Variants in CADPS2 observed in about 807,000 individuals in gnomAD.
CADPS2 encodes calcium dependent secretion activator 2, also known as calcium-dependent secretion activator 2.
In CADPS2, 93 loss-of-function variants were observed where a neutral mutation model predicts 172.5. The observed-to-expected ratio is 0.54, with a 90% CI of 0.46 to 0.64. CADPS2 has a LOEUF of 0.64. Among genes scored for constraint, CADPS2 ranks in the 30% least tolerant of loss-of-function variants. CADPS2 has a pLI of 0.00. For synonymous variants in CADPS2, 546 were observed against 555.2 expected (o/e 0.98, Z 0.23); for missense variants, 1,420 against 1,565.9 (o/e 0.91, Z 1.57).
intron 27 of CADPS2, chr7:122,354,393 GC>G (rs2039089131): frequency 6.6e-6 from 1 of 152,100 alleles, no homozygotes; most frequent in Non-Finnish European, 1.5e-5. Flanking sequence ...GGATTCAACC[GC>G]CAGCAGTTCG....
intron 1 of CADPS2, among the ~76,000 whole-genome samples, chr7:122,821,027 T>C (rs866933172): frequency 2.6e-4 from 40 of 151,446 alleles, no homozygotes; most frequent in African/African-American, 9.3e-4. Context: ...ACTTTCTGCT[T>C]CCTGGCTCCT....
At chr7:122,811,349 C>T (rs1799984816) in intron 1 of CADPS2, among the ~76,000 whole-genome samples, 1 of 152,072 alleles carries the variant, frequency 6.6e-6, no homozygotes, top group African/African-American at 2.4e-5. Context: ...GTCCCTATTT[C>T]CTAATCAGCA....
At chr7:122,865,038 T>C (rs536390475) in intron 1 of CADPS2, among the ~76,000 whole-genome samples, 1 of 152,210 alleles carries the variant, frequency 6.6e-6, no homozygotes, top group Admixed American at 6.5e-5. Context: ...GTTTGGGTGA[T>C]GGGGGTGGAC....
At chr7:122,479,216 A>G (rs2057027111) in intron 12 of CADPS2, among the ~76,000 whole-genome samples, 1 of 152,070 alleles carries the variant, frequency 6.6e-6, no homozygotes, top group Non-Finnish European at 1.5e-5. Flanking sequence ...GAAGCAAATG[A>G]CTCTTTTGAA....
At chr7:122,850,068 C>T (rs747151881) in intron 1 of CADPS2, 76 of 1,368,880 alleles carry the variant, frequency 5.6e-5, no homozygotes, top group Non-Finnish European at 7.1e-5. Context: ...GGGGGCCTTG[C>T]TTGGCAACAG....
At chr7:122,568,833 T>C (rs574915151) in intron 7 of CADPS2, among the ~76,000 whole-genome samples, 10 of 152,230 alleles carry the variant, frequency 6.6e-5, no homozygotes, top group African/African-American at 2.2e-4. Context: ...AAATCATAAA[T>C]TGGACTTAAT....
chr7:122,513,286 C>G lies in CADPS2; in HGVS notation c.1505G>C (p.Trp502Ser). ...AAAGTAACGTTTTTTCCATCTTTTC[C>G]AAACCTTCTGTCCAAGGGCATACAG... ...GYLYALGQKV[W>S]KRWKKRYFVL... The change falls in exon 9 of 30, where the codon TGG (tryptophan) becomes TCG (serine). Residue 502 changes from tryptophan (W) to serine (S), a missense_variant. By Grantham distance (177) the Trp-to-Ser change is radical (BLOSUM62 -3). Coordinates refer to ENST00000449022, the MANE Select transcript of CADPS2 (RefSeq NM_017954.11). 6.4e-7 allele frequency: 1 copy of G among 1,562,348 alleles called. No individual in the cohort carries two copies. Among genetic ancestry groups the G allele is most frequent in the Non-Finnish European group, 8.7e-7 (1 of 1,151,996 alleles).
intron 9 of CADPS2, 120 bp from the exon 10 acceptor site, chr7:122,491,540 T>C: frequency 1.8e-6 from 1 of 560,186 alleles, no homozygotes; most frequent in Non-Finnish European, 3.1e-6. Flanking sequence ...GCACATAAAT[T>C]ATTAAATTTT....
At chr7:122,420,324 C>A (rs73431532) in intron 17 of CADPS2, among the ~76,000 whole-genome samples, 3,841 of 152,268 alleles carry the variant, frequency 0.025, 103 homozygotes, top group African/African-American at 0.054. Flanking sequence ...ATCTTAAGTA[C>A]AAACTCTGAG....
intron 1 of CADPS2, among the ~76,000 whole-genome samples, chr7:122,786,733 C>A (rs1468236260): frequency 6.6e-6 from 1 of 152,062 alleles, no homozygotes; most frequent in Non-Finnish European, 1.5e-5. Flanking sequence ...GAGTCGAGGA[C>A]AATAAAGCAC....
intron 2 of CADPS2, chr7:122,702,272 C>G (rs567552738): frequency 5.6e-6 from 9 of 1,613,698 alleles, no homozygotes; most frequent in Admixed American, 1.7e-5. Context: ...AATTTCCATG[C>G]CTTTCAGGTT....
At chr7:122,798,964 T>C (rs533509637) in intron 1 of CADPS2, among the ~76,000 whole-genome samples, 11 of 152,122 alleles carry the variant, frequency 7.2e-5, no homozygotes, top group African/African-American at 2.4e-4. Flanking sequence ...CTTATCCCTG[T>C]GACAAGGAGG....
intron 1 of CADPS2, among the ~76,000 whole-genome samples, chr7:122,832,553 C>A (rs1806899919): frequency 6.6e-6 from 1 of 152,198 alleles, no homozygotes; most frequent in South Asian, 2.1e-4. Flanking sequence ...TGGTAGAATA[C>A]AACTAGACCT....
At chr7:122,831,901 A>G (rs1338515119) in intron 1 of CADPS2, among the ~76,000 whole-genome samples, 2 of 152,214 alleles carry the variant, frequency 1.3e-5, no homozygotes, top group African/African-American at 4.8e-5. Flanking sequence ...ACCAATCTAG[A>G]GAGAAAAAAA....
chr7:122,758,811 G>C (rs964275817), intron 1 of CADPS2, among the ~76,000 whole-genome samples: 2 of 152,036 alleles, frequency 1.3e-5, no homozygotes, highest in Non-Finnish European at 2.9e-5. Context: ...AAACCAAAGT[G>C]ATAGCTGCAA....
chr7:122,504,800 T>G (rs1210970173), intron 9 of CADPS2, among the ~76,000 whole-genome samples: 1 of 152,142 alleles, frequency 6.6e-6, no homozygotes, highest in Non-Finnish European at 1.5e-5. Context: ...CTCAAACTCC[T>G]GGCCTCAAGC....
At chr7:122,632,481 A>G (rs1290527430) in intron 3 of CADPS2, among the ~76,000 whole-genome samples, 1 of 152,110 alleles carries the variant, frequency 6.6e-6, no homozygotes, top group Non-Finnish European at 1.5e-5. Context: ...GCATTTGCTC[A>G]TGTTTTTTGG....
rs1010347918 is a variant in CADPS2, at chr7:122,518,606, C to G, written c.1476-5291G>C. Among the ~76,000 whole-genome samples the G allele has an allele frequency of 2.0e-5, 3 of 151,936 alleles. No homozygotes were observed. The East Asian group carries it at 5.8e-4, about 29-fold the overall frequency. ...GCTAGGTGTACTAGAGATTTGCTAGCGGGTCTATGCTGCAGCTGTATTCTC... is the reference window on the plus strand; with the variant it reads ...GCTAGGTGTACTAGAGATTTGCTAGGGGGTCTATGCTGCAGCTGTATTCTC... On this transcript the variant is annotated intron_variant, in intron 8 of 29. Coordinates refer to ENST00000449022, the MANE Select transcript of CADPS2 (RefSeq NM_017954.11).
intron 7 of CADPS2, among the ~76,000 whole-genome samples, chr7:122,569,042 A>G (rs2066841923): frequency 6.6e-6 from 1 of 152,142 alleles, no homozygotes; most frequent in South Asian, 2.1e-4. Flanking sequence ...GCAATTAGGC[A>G]GGAGAAAGAA....
Sources: allele counts gnomAD v4.1 joint callset (sites outside exome capture counted in the v4.1 genomes callset), GRCh38; gene constraint gnomAD v4.1.1; transcripts MANE v1.5; gene names NCBI Gene and HGNC (gene_info 2026-07-23, HGNC 2026-07-21).